PTPN20: variants seen among roughly 807,000 people sequenced by gnomAD.
PTPN20 encodes tyrosine-protein phosphatase non-receptor type 20.
Under a neutral mutation model 35.0 loss-of-function variants are expected in PTPN20, and 9 were observed. The ratio of observed to expected loss-of-function variants is 0.26; its 90% CI spans 0.15 to 0.45. The LOEUF (loss-of-function observed/expected upper bound fraction) is 0.45. Ranked by LOEUF, PTPN20 falls within the 20% of genes least tolerant of loss-of-function variation. The probability of loss-of-function intolerance (pLI) is 1.00; values close to 1 mark genes in which losing one functional copy is unlikely to be tolerated. For missense variants in PTPN20, 111 were observed against 312.5 expected, an observed-to-expected ratio of 0.36 and a Z score of 4.86; for synonymous variants, 32 against 100.2, an observed-to-expected ratio of 0.32 and a Z score of 4.06.
At chr10:46,940,531 C>T in intron 2 of PTPN20, 92 bp from the exon 3 acceptor site, 1 of 1,374,098 alleles carries the variant, frequency 7.3e-7, no homozygotes, top group Non-Finnish European at 1.0e-6. Flanking sequence ...GAAAATGCCC[C>T]TCATGTAGCT....
At chr10:47,000,102 A>G (rs1335137436) in intron 10 of PTPN20, 128 bp downstream of exon 10, 6 of 1,409,028 alleles carry the variant, frequency 4.3e-6, no homozygotes, top group Non-Finnish European at 4.0e-6. Flanking sequence ...TGAGGTAGAC[A>G]TTAGTTTTGC....
chr10:46,939,050 A>G (rs1395570586), intron 2 of PTPN20, among the ~76,000 whole-genome samples: 228 of 151,490 alleles, frequency 1.5e-3, no homozygotes, highest in Non-Finnish European at 2.5e-3. Flanking sequence ...TTTCCTGTTA[A>G]TTTTTTTTCT....
At chr10:46,941,890 C>T (rs1555136763) in intron 3 of PTPN20, among the ~76,000 whole-genome samples, 1 of 88,894 alleles carries the variant, frequency 1.1e-5, no homozygotes, top group Non-Finnish European at 2.0e-5. Context: ...CAATTTGATA[C>T]TGTAGCCATT....
intron 10 of PTPN20, 138 bp from the exon 11 acceptor site, chr10:47,000,535 GTTC>G: frequency 1.1e-6 from 1 of 881,342 alleles, no homozygotes; most frequent in Non-Finnish European, 1.8e-6. Flanking sequence ...TTCACGTAAA[GTTC>G]TTAAGTGTTT....
chr10:46,940,998 G>A (rs2043309475), intron 3 of PTPN20, among the ~76,000 whole-genome samples: 1 of 151,594 alleles, frequency 6.6e-6, no homozygotes, highest in Non-Finnish European at 1.5e-5. Context: ...GAAGTATGAA[G>A]CACCTTTAGA....
intron 6 of PTPN20, among the ~76,000 whole-genome samples, chr10:46,966,813 AT>A (rs1171169033): frequency 2.5e-5 from 2 of 80,146 alleles, no homozygotes; most frequent in Non-Finnish European, 4.6e-5. Context: ...TTCCTACAGA[AT>A]TTTTTCCAGA....
rs1232551939 is a variant in PTPN20 at position 46,970,892 on chromosome 10, T to C, written c.583+2845T>C. 4.8e-3 allele frequency among the ~76,000 whole-genome samples: 406 copies of C among 84,860 alleles called. 57 individuals are homozygous for C. Among genetic ancestry groups the C allele is most frequent in the Non-Finnish European group, 6.0e-3 (300 of 50,036 alleles). The allele number at this position is 84,860 out of a possible 152,430, so 55.7% of individuals were successfully genotyped here. ...AATGCTCACTCTGTATTGTAAGTTA[T>C]ACAACAAAAAGAAGAGGCAAACACT... On this transcript the variant is annotated intron_variant, in intron 7 of 10. Transcript: ENST00000374339.
At chr10:46,941,852 G>GA (rs1187081475) in intron 3 of PTPN20, among the ~76,000 whole-genome samples, 2 of 81,348 alleles carry the variant, frequency 2.5e-5, no homozygotes, top group Admixed American at 2.9e-4. Context: ...GATTTTATTA[G>GA]AACTTGCTTT....
chr10:46,983,375 T>A (rs2056129225), intron 7 of PTPN20, among the ~76,000 whole-genome samples: 1 of 151,036 alleles, frequency 6.6e-6, no homozygotes, highest in African/African-American at 2.4e-5. Context: ...AAGTGGTCCA[T>A]GTGATTCTGA....
intron 6 of PTPN20, among the ~76,000 whole-genome samples, chr10:46,966,334 T>C (rs1447543932): frequency 6.6e-6 from 1 of 152,140 alleles, no homozygotes; most frequent in African/African-American, 2.4e-5. Flanking sequence ...ACATGCCTAT[T>C]TACCATGAAG....
intron 10 of PTPN20, 37 bp downstream of exon 10, chr10:47,000,011 G>A: frequency 6.2e-7 from 1 of 1,612,008 alleles, no homozygotes; most frequent in Non-Finnish European, 8.5e-7. Context: ...TAAGAATAAT[G>A]AATATAAAGA....
Position 47,000,693 on chromosome 10 carries a change from T to C in PTPN20, c.1215T>C (p.Cys405=), listed in dbSNP as rs2059943773. Residue 405 remains cysteine (C), a synonymous_variant, in exon 11 of 11, where the codon TGT becomes TGC. Transcript: ENST00000374339. ...MVQTKEQYHF[C]YDIVLEVLRK... ...GTATATAGGAGCAGTATCACTTTTG[T>C]TACGATATTGTGCTTGAAGTTCTTC... The C allele has an allele frequency of 5.6e-6, 9 of 1,613,544 alleles. No individual in the cohort carries two copies. In the South Asian group the frequency reaches 9.9e-5, roughly 18 times the overall value.
chr10:46,922,734 C>G (rs2035779346), intron 1 of PTPN20, among the ~76,000 whole-genome samples: 2 of 140,346 alleles, frequency 1.4e-5, no homozygotes, highest in Non-Finnish European at 3.0e-5. Flanking sequence ...ACAGCCCTCT[C>G]AGGCCCTGGA....
At chr10:46,997,711 C>T (rs2059385460) in intron 9 of PTPN20, among the ~76,000 whole-genome samples, 1 of 147,676 alleles carries the variant, frequency 6.8e-6, no homozygotes, top group Non-Finnish European at 1.5e-5. Context: ...CCTCAAAAAT[C>T]AATAGTTAAA....
At chr10:46,999,760 T>C (rs2059774799) in intron 9 of PTPN20, 152 bp from the exon 10 acceptor site, 4 of 875,200 alleles carry the variant, frequency 4.6e-6, no homozygotes, top group Non-Finnish European at 7.4e-6. Context: ...TCCTTATCCA[T>C]TGGGCTAAGT....
chr10:46,925,649 A>G (rs2037046441), intron 1 of PTPN20, among the ~76,000 whole-genome samples: 16 of 149,666 alleles, frequency 1.1e-4, no homozygotes, highest in Non-Finnish European at 3.0e-5. Context: ...TACAGAGGAT[A>G]GAGGAGTAGG....
intron 9 of PTPN20, among the ~76,000 whole-genome samples, chr10:46,992,203 T>C (rs944194827): frequency 1.3e-5 from 2 of 149,378 alleles, no homozygotes; most frequent in African/African-American, 4.9e-5. Flanking sequence ...GCTCACTACA[T>C]CCTCCACCTC....
downstream of PTPN20, chr10:47,002,329 G>A (rs1261388344): frequency 6.6e-6 from 1 of 152,062 alleles, no homozygotes; most frequent in African/African-American, 2.4e-5. Context: ...TGTATTGCCT[G>A]AAGTATTTTT....
At chr10:46,994,625 C>T (rs9422239) in intron 9 of PTPN20, among the ~76,000 whole-genome samples, 19,706 of 152,000 alleles carry the variant, frequency 0.13, 1,667 homozygotes, top group East Asian at 0.47. Flanking sequence ...TGAGCCACCG[C>T]GCCCGGCCCT....
Sources: gnomAD v4.1 joint callset for allele counts (sites outside exome capture counted in the v4.1 genomes callset) on GRCh38, gnomAD v4.1.1 for gene constraint, MANE v1.5 for transcripts, NCBI Gene and HGNC (gene_info 2026-07-23, HGNC 2026-07-21) for gene names.